Variants in TBC1D30 observed in about 807,000 individuals in gnomAD.
TBC1D30 encodes the protein TBC1 domain family, member 30.
A neutral mutation model predicts 63.2 loss-of-function variants in TBC1D30; 31 were observed. The ratio of observed to expected loss-of-function variants is 0.49; its 90% CI spans 0.37 to 0.66. The LOEUF (loss-of-function observed/expected upper bound fraction) is 0.66. Ranked by LOEUF, TBC1D30 falls within the 30% of genes least tolerant of loss-of-function variation. The pLI is 0.00. For missense variants in TBC1D30, 810 were observed against 953.6 expected (o/e 0.85, Z 1.98); for synonymous variants, 307 against 361.5 (o/e 0.85, Z 1.71).
chr12:64,876,780 C>T lies in TBC1D30; in HGVS notation c.*992C>T, dbSNP rs1879116027. 4.4e-6 allele frequency: 2 copies of T among 455,970 alleles called. No individual in the cohort carries two copies. The highest frequency in any genetic ancestry group is 3.1e-5 in the South Asian group (2 of 64,550). 28.2% of individuals were successfully genotyped at this position (455,970 alleles called of 1,614,324 possible). A position where few individuals can be genotyped will look rare whatever the true frequency, so the allele number is the denominator to read the frequency against. On this transcript the variant is annotated 3_prime_UTR_variant, in exon 12 of 12. Coordinates refer to ENST00000539867, the MANE Select transcript of TBC1D30 (RefSeq NM_015279.2). The stretch of plus-strand genomic sequence containing the variant: ...ACTTTGTTAATTGAACACTGCCTTT[C>T]TCTGGAGAAGGCCCCAGTGCTTTCT...
In TBC1D30 at chr12:64,836,491, T is replaced by C. The variant is rs998828096; in HGVS notation, c.596T>C (p.Ile199Thr). Residue 199 changes from isoleucine to threonine, a missense_variant and splice_region_variant, in exon 6 of 12, where the codon ATT (isoleucine) becomes ACT (threonine). By Grantham distance (89) the Ile-to-Thr change is moderately conservative. Around this residue, in one of 4 missense-constraint regions of TBC1D30, gnomAD observed 272 missense variants for 335.9 expected, o/e 0.81. Coordinates refer to ENST00000539867, the MANE Select transcript of TBC1D30 (RefSeq NM_015279.2). ...TAAGCTTTATCTTTTTTTCTTTAGA[T>C]TATGATTTACCTTATTGATAAGGTA... is the stretch of plus-strand genomic sequence containing the variant. Reference protein sequence around the residue: ...MEGNEGDALKIMIYLIDKVLP... With the variant: ...MEGNEGDALKTMIYLIDKVLP... 3 of 1,534,420 alleles carry C rather than the reference T, an allele frequency of 2.0e-6. No homozygotes were observed. The highest frequency in any genetic ancestry group is 2.7e-5 in the African/African-American group (2 of 72,912).
intron 2 of TBC1D30, among the ~76,000 whole-genome samples, chr12:64,797,300 TTG>T (rs1474798963): frequency 1.3e-5 from 2 of 152,250 alleles, no homozygotes; most frequent in Non-Finnish European, 2.9e-5. Context: ...TTTCTTCCTG[TTG>T]TGTCACCTTG....
At chr12:64,811,737 C>T (rs1354389723) in intron 2 of TBC1D30, among the ~76,000 whole-genome samples, 1 of 152,076 alleles carries the variant, frequency 6.6e-6, no homozygotes, top group Admixed American at 6.6e-5. Context: ...CTAGGCTGAC[C>T]TTGTTATTGC....
chr12:64,864,874 T>C (rs191338462), intron 9 of TBC1D30, 94 bp downstream of exon 9: 3 of 882,298 alleles, frequency 3.4e-6, no homozygotes, highest in East Asian at 2.7e-5. Flanking sequence ...CCCAGAGATA[T>C]GTTAAAGTAA....
chr12:64,776,904 T>G (rs2136284028), upstream of TBC1D30, among the ~76,000 whole-genome samples: 1 of 152,268 alleles, frequency 6.6e-6, no homozygotes, highest in East Asian at 1.9e-4. Context: ...AAAAAACTCA[T>G]TCACCAGGAC....
intron 1 of TBC1D30, among the ~76,000 whole-genome samples, chr12:64,826,670 C>T (rs1874383159): frequency 6.6e-6 from 1 of 151,946 alleles, no homozygotes; most frequent in Admixed American, 6.6e-5. Context: ...CTTAATATTC[C>T]TTCGGAGAAA....
chr12:64,824,891 C>A lies in TBC1D30; in HGVS notation c.12C>A (p.Asp4Glu). Residue 4 changes from aspartate to glutamate, a missense_variant, in exon 1 of 12, where the codon GAC becomes GAA. Around this residue, in one of 4 missense-constraint regions of TBC1D30, gnomAD observed 272 missense variants for 335.9 expected, o/e 0.81. Coordinates refer to ENST00000539867, the MANE Select transcript of TBC1D30 (RefSeq NM_015279.2). MRQ[D>E]KLTGSLRRGG... ...CGGGGCGCTCTCGGATGCGGCAGGACAAGCTGACCGGGTCTCTGAGGCGCG... is the reference window on the plus strand; with the variant it reads ...CGGGGCGCTCTCGGATGCGGCAGGAAAAGCTGACCGGGTCTCTGAGGCGCG... 3.3e-6 allele frequency: 5 copies of A among 1,533,168 alleles called. No individual in the cohort carries two copies. The highest frequency in any genetic ancestry group is 4.4e-6 in the Non-Finnish European group (5 of 1,146,164). The allele number at this position is 1,533,168 out of a possible 1,614,324, so 95.0% of individuals were successfully genotyped here.
Position 64,873,961 on chromosome 12 carries a change from A to C in TBC1D30, c.1499-1040A>C, listed in dbSNP as rs1365434366. Among the ~76,000 whole-genome samples the C allele has an allele frequency of 2.0e-5, 3 of 152,296 alleles. No homozygotes were observed. The East Asian group carries it at 5.8e-4, about 29-fold the overall frequency. On this transcript the variant is annotated intron_variant, in intron 11 of 11. Coordinates refer to ENST00000539867, the MANE Select transcript of TBC1D30 (RefSeq NM_015279.2). ...ACAGAGGGAGAGGCCTTCTCCCTACAATTTCTGTCTGCAGCTGCCATCCTG... is the reference window on the plus strand; with the variant it reads ...ACAGAGGGAGAGGCCTTCTCCCTACCATTTCTGTCTGCAGCTGCCATCCTG...
At chr12:64,806,999 A>G (rs2136324165) in intron 2 of TBC1D30, among the ~76,000 whole-genome samples, 1 of 152,300 alleles carries the variant, frequency 6.6e-6, no homozygotes, top group Middle Eastern at 3.4e-3. Context: ...AGAGACAGAA[A>G]GTTTAATGGT....
At chr12:64,841,772 A>G (rs1288250824) in intron 7 of TBC1D30, among the ~76,000 whole-genome samples, 1 of 152,154 alleles carries the variant, frequency 6.6e-6, no homozygotes, top group Non-Finnish European at 1.5e-5. Context: ...ACTCATCTCA[A>G]GCATTATTTC....
chr12:64,870,955 T>A, intron 11 of TBC1D30, 147 bp downstream of exon 11: 1 of 799,842 alleles, frequency 1.3e-6, no homozygotes, highest in Non-Finnish European at 1.9e-6. Flanking sequence ...ATATTTAGCA[T>A]CTCATTTTAA....
chr12:64,847,982 T>G (rs1876536877), intron 8 of TBC1D30, among the ~76,000 whole-genome samples: 1 of 150,914 alleles, frequency 6.6e-6, no homozygotes, highest in Non-Finnish European at 1.5e-5. Context: ...AGTAGGGTAT[T>G]GAAATCTCTA....
At chr12:64,867,519 G>T (rs1878325095) in intron 10 of TBC1D30, among the ~76,000 whole-genome samples, 2 of 151,244 alleles carry the variant, frequency 1.3e-5, no homozygotes, top group Non-Finnish European at 2.9e-5. Context: ...TTTTTATTAT[G>T]TAATGGTTTT....
At chr12:64,835,391 C>G (rs759004335) in intron 5 of TBC1D30, among the ~76,000 whole-genome samples, 1 of 151,304 alleles carries the variant, frequency 6.6e-6, no homozygotes, top group Non-Finnish European at 1.5e-5. Flanking sequence ...TTTTGTGGGG[C>G]GGGTTAGGGG....
intron 2 of TBC1D30, among the ~76,000 whole-genome samples, chr12:64,803,861 T>TCTGTTTTGGTACCAGTATCATG (rs1178242720): frequency 6.6e-6 from 1 of 152,230 alleles, no homozygotes; most frequent in African/African-American, 2.4e-5. Context: ...GGTCTGTATC[T>TCTGTTTTGGTACCAGTATCATG]CTGTTTTGGT....
intron 2 of TBC1D30, among the ~76,000 whole-genome samples, chr12:64,813,301 A>G (rs577747777): frequency 3.9e-5 from 6 of 152,124 alleles, no homozygotes; most frequent in African/African-American, 9.6e-5. Flanking sequence ...GAGGCAGGAG[A>G]ACTGCTTGAA....
At chr12:64,864,207 G>A (rs966161624) in intron 8 of TBC1D30, among the ~76,000 whole-genome samples, 1 of 151,698 alleles carries the variant, frequency 6.6e-6, no homozygotes, top group Non-Finnish European at 1.5e-5. Flanking sequence ...ACTTGTAGTC[G>A]ATCACAAGAT....
chr12:64,863,976 A>C (rs1179574450), intron 8 of TBC1D30, among the ~76,000 whole-genome samples: 1 of 152,270 alleles, frequency 6.6e-6, no homozygotes, highest in African/African-American at 2.4e-5. Flanking sequence ...GAAAGCAAAC[A>C]ATATTACTCT....
At chr12:64,830,771 C>T (rs1052687725) in intron 4 of TBC1D30, among the ~76,000 whole-genome samples, 8 of 152,184 alleles carry the variant, frequency 5.3e-5, no homozygotes, top group African/African-American at 1.4e-4. Context: ...ATAGGAAGGA[C>T]GCTTTGTCAT....
Sources: gnomAD v4.1 joint callset for allele counts (sites outside exome capture counted in the v4.1 genomes callset) on GRCh38, gnomAD v4.1.1 for gene constraint, gnomAD v4.1.1 regional missense constraint, MANE v1.5 for transcripts, NCBI Gene and HGNC (gene_info 2026-07-23, HGNC 2026-07-21) for gene names.